The following EYS variants were observed in gnomAD, a reference collection of about 807,000 sequenced individuals.
The protein encoded by EYS is EGF-like photoreceptor maintenance factor.
In EYS, 250 loss-of-function variants were observed where a neutral mutation model predicts 282.1. The ratio of observed to expected loss-of-function variants is 0.89; its 90% CI spans 0.80 to 0.98. The LOEUF (loss-of-function observed/expected upper bound fraction) is 0.98, where lower values mean the gene tolerates loss of function less well. Ranked by LOEUF, EYS falls within the 50% of genes least tolerant of loss-of-function variation. The pLI is 0.00. For synonymous variants in EYS, 1,355 were observed against 1,282.9 expected, an observed-to-expected ratio of 1.06 and a Z score of -1.20; for missense variants, 4,016 against 3,709.0, an observed-to-expected ratio of 1.08 and a Z score of -2.15.
At chr6:64,898,138 C>G (rs1424866906) in intron 18 of EYS, among the ~76,000 whole-genome samples, 1 of 151,480 alleles carries the variant, frequency 6.6e-6, no homozygotes, top group Non-Finnish European at 1.5e-5. Flanking sequence ...AAAGCAACCC[C>G]AAGGCACATA....
intron 12 of EYS, among the ~76,000 whole-genome samples, chr6:65,147,012 T>C (rs1373859513): frequency 6.6e-6 from 1 of 152,060 alleles, no homozygotes; most frequent in Non-Finnish European, 1.5e-5. Context: ...TTTGTTGCTT[T>C]GTATATATTT....
chr6:63,769,882 A>G (rs1380448876), intron 40 of EYS, among the ~76,000 whole-genome samples: 3 of 152,084 alleles, frequency 2.0e-5, no homozygotes, highest in Non-Finnish European at 4.4e-5. Flanking sequence ...GATATAAAAA[A>G]TTAACTGAAA....
chr6:63,960,061 A>G (rs761488210), intron 35 of EYS, among the ~76,000 whole-genome samples: 7 of 152,156 alleles, frequency 4.6e-5, no homozygotes, highest in Non-Finnish European at 1.0e-4. Context: ...TTGTAAGGCT[A>G]TAACTGCCAT....
intron 12 of EYS, among the ~76,000 whole-genome samples, chr6:65,169,867 T>C (rs537654412): frequency 1.3e-3 from 195 of 151,618 alleles, no homozygotes; most frequent in Middle Eastern, 6.8e-3. Context: ...CTTCCTTTGG[T>C]ACTATACACA....
At chr6:64,389,020 C>G (rs1227446515) in intron 28 of EYS, among the ~76,000 whole-genome samples, 180 bp from the exon 29 acceptor site, 1 of 151,454 alleles carries the variant, frequency 6.6e-6, no homozygotes, top group Non-Finnish European at 1.5e-5. Flanking sequence ...AGTACATAAA[C>G]ACAAAGTTAC....
At chr6:65,280,610 C>G (rs926449581) in intron 12 of EYS, among the ~76,000 whole-genome samples, 1 of 151,922 alleles carries the variant, frequency 6.6e-6, no homozygotes, top group African/African-American at 2.4e-5. Flanking sequence ...GTTACTTTTA[C>G]ATGATTTCAT....
chr6:64,405,724 C>T (rs1401579019), intron 28 of EYS, among the ~76,000 whole-genome samples: 1 of 152,080 alleles, frequency 6.6e-6, no homozygotes. Flanking sequence ...AACTCCCTTT[C>T]ACAATTGCTA....
chr6:64,225,990 A>G (rs1766242978), intron 31 of EYS, among the ~76,000 whole-genome samples: 1 of 152,166 alleles, frequency 6.6e-6, no homozygotes, highest in South Asian at 2.1e-4. Context: ...ATTTTCAGAC[A>G]TGGATATTAA....
At chr6:64,853,970 A>T (rs963048044) in intron 19 of EYS, among the ~76,000 whole-genome samples, 34 of 152,064 alleles carry the variant, frequency 2.2e-4, no homozygotes, top group Admixed American at 1.2e-3. Flanking sequence ...AAAATAAGAC[A>T]TTTATGCAGC....
rs554972134 is a variant in EYS at position 65,029,991 on chromosome 6, A to C, written c.2137+27623T>G. On this transcript the variant is annotated intron_variant, in intron 13 of 42. Coordinates refer to ENST00000503581, the MANE Select transcript of EYS (RefSeq NM_001142800.2). ...AGCTTCAGGACACCTCATGGCCACC[A>C]TGGACATTTGAGCTGACAAGAAGAG... Among the ~76,000 whole-genome samples the C allele has an allele frequency of 5.3e-5, 8 of 152,230 alleles. 1 individual carries two copies. The highest frequency in any genetic ancestry group is 1.9e-4 in the African/African-American group (8 of 41,544).
intron 1 of EYS, among the ~76,000 whole-genome samples, chr6:65,695,953 G>A (rs1161086814): frequency 3.3e-5 from 5 of 151,888 alleles, no homozygotes; most frequent in Admixed American, 2.6e-4. Flanking sequence ...CTCAAATTTG[G>A]TCTAAAATAA....
chr6:64,048,473 T>G (rs1215210512), intron 33 of EYS, among the ~76,000 whole-genome samples: 1 of 152,126 alleles, frequency 6.6e-6, no homozygotes, highest in Non-Finnish European at 1.5e-5. Context: ...TGCTGTGACC[T>G]GAGCTGGCCT....
intron 14 of EYS, among the ~76,000 whole-genome samples, chr6:64,963,562 T>G (rs1345145089): frequency 6.6e-6 from 1 of 152,164 alleles, no homozygotes. Flanking sequence ...GAGACCTCAT[T>G]GATGCAATAA....
rs58132165 is a variant in EYS at position 64,573,884 on chromosome 6, T to A, written c.5644+16339A>T. Among the ~76,000 whole-genome samples the A allele has an allele frequency of 7.6e-4, 116 of 152,256 alleles. 1 individual carries two copies. In the East Asian group the frequency reaches 0.022, roughly 29 times the overall value. ...ACAGTGTGGCAATTCCTCAAGGATC[T>A]AGAACCAGAAATACCATTTGACCCA... On this transcript the variant is annotated intron_variant, in intron 26 of 42. Transcript: ENST00000503581.
At chr6:64,773,633 A>T (rs1773591015) in intron 22 of EYS, among the ~76,000 whole-genome samples, 1 of 151,772 alleles carries the variant, frequency 6.6e-6, no homozygotes, top group Non-Finnish European at 1.5e-5. Flanking sequence ...ATCTCACCAG[A>T]ATCTGTTATT....
At chr6:64,230,930 T>A in intron 30 of EYS, 106 bp from the exon 31 acceptor site, 1 of 623,452 alleles carries the variant, frequency 1.6e-6, no homozygotes, top group Non-Finnish European at 2.8e-6. Flanking sequence ...ATGAAACCAA[T>A]ACTGATCAAG....
At chr6:65,291,465 G>A (rs1293613568) in intron 12 of EYS, among the ~76,000 whole-genome samples, 1 of 151,396 alleles carries the variant, frequency 6.6e-6, no homozygotes, top group Non-Finnish European at 1.5e-5. Flanking sequence ...ATACTTCGAA[G>A]CCATAAAAAG....
At chr6:64,775,617 T>A (rs1266242219) in intron 22 of EYS, among the ~76,000 whole-genome samples, 2 of 152,046 alleles carry the variant, frequency 1.3e-5, no homozygotes, top group African/African-American at 4.8e-5. Flanking sequence ...AATATTGATG[T>A]TTTTCTCTAG....
At chr6:64,039,473 A>T (rs956662821) in intron 33 of EYS, among the ~76,000 whole-genome samples, 5 of 152,326 alleles carry the variant, frequency 3.3e-5, no homozygotes, top group African/African-American at 1.2e-4. Flanking sequence ...AGAGGGATAA[A>T]TAAAAGAGGA....
Sources: allele counts gnomAD v4.1 joint callset (sites outside exome capture counted in the v4.1 genomes callset), GRCh38; gene constraint gnomAD v4.1.1; transcripts MANE v1.5; gene names NCBI Gene and HGNC (gene_info 2026-07-23, HGNC 2026-07-21).